Variants in SORCS2 observed in about 807,000 individuals in gnomAD.
The protein encoded by SORCS2 is sortilin related VPS10 domain containing receptor 2, also known as VPS10 domain-containing receptor SorCS2.
Under a neutral mutation model 141.6 loss-of-function variants are expected in SORCS2, and 100 were observed. The ratio of observed to expected loss-of-function variants is 0.71; its 90% CI spans 0.60 to 0.83. SORCS2 has a LOEUF of 0.83. SORCS2 is among the 40% of genes least tolerant of loss of function. The probability of loss-of-function intolerance (pLI) is 0.00; values close to 1 mark genes in which losing one functional copy is unlikely to be tolerated. For missense variants in SORCS2, 1,646 were observed against 1,560.2 expected, an observed-to-expected ratio of 1.05 and a Z score of -0.93; for synonymous variants, 789 against 676.9, an observed-to-expected ratio of 1.17 and a Z score of -2.57.
At chr4:7,262,137 C>T (rs769827025) in intron 1 of SORCS2, among the ~76,000 whole-genome samples, 64 of 151,582 alleles carry the variant, frequency 4.2e-4, no homozygotes, top group Non-Finnish European at 7.8e-4. Flanking sequence ...AATGAAAGAT[C>T]TGATCTGCCC....
intron 2 of SORCS2, among the ~76,000 whole-genome samples, chr4:7,439,793 T>A (rs1241258632): frequency 6.6e-6 from 1 of 152,218 alleles, no homozygotes; most frequent in Non-Finnish European, 1.5e-5. Flanking sequence ...TTATCCACCA[T>A]GAGCTGGCAT....
intron 8 of SORCS2, among the ~76,000 whole-genome samples, chr4:7,672,862 G>C (rs528923160): frequency 6.6e-6 from 1 of 152,172 alleles, no homozygotes; most frequent in African/African-American, 2.4e-5. Context: ...ATTGTCCTAC[G>C]TGGCTTCTTA....
chr4:7,736,929 G>C, intron 25 of SORCS2, 140 bp from the exon 26 acceptor site: 1 of 1,094,824 alleles, frequency 9.1e-7, no homozygotes. Context: ...GGCAAAACTT[G>C]GGGCTGGGGT....
chr4:7,571,198 A>G (rs80152828), intron 3 of SORCS2, among the ~76,000 whole-genome samples: 4,922 of 152,346 alleles, frequency 0.032, 119 homozygotes, highest in Non-Finnish European at 0.051. Flanking sequence ...TTTTCCGCAG[A>G]TGCTCTCTGC....
intron 1 of SORCS2, among the ~76,000 whole-genome samples, chr4:7,394,295 T>G (rs1205240799): frequency 6.6e-6 from 1 of 151,954 alleles, no homozygotes; most frequent in Non-Finnish European, 1.5e-5. Context: ...GCAGGTGCTG[T>G]GCCCCGCACT....
At chr4:7,718,290 C>T in intron 18 of SORCS2, 107 bp downstream of exon 18, 2 of 1,295,232 alleles carry the variant, frequency 1.5e-6, no homozygotes, top group Non-Finnish European at 2.1e-6. Flanking sequence ...AGAAGTGGCT[C>T]AGGGCATCGT....
intron 2 of SORCS2, among the ~76,000 whole-genome samples, chr4:7,421,922 T>TGGGGCGGGGCG (rs1560270809): frequency 1.3e-5 from 2 of 151,424 alleles, no homozygotes; most frequent in Non-Finnish European, 1.5e-5. Context: ...GGGGCGGGGC[T>TGGGGCGGGGCG]GGGCATCACG....
chr4:7,387,781 C>G (rs578121029), intron 1 of SORCS2, among the ~76,000 whole-genome samples: 6 of 147,262 alleles, frequency 4.1e-5, no homozygotes, highest in African/African-American at 1.5e-4. Flanking sequence ...TGCACACACA[C>G]ATAGGTACAT....
intron 3 of SORCS2, among the ~76,000 whole-genome samples, chr4:7,532,972 C>T (rs976180148): frequency 3.3e-5 from 5 of 152,074 alleles, no homozygotes; most frequent in African/African-American, 9.6e-5. Context: ...CATGTCTCGG[C>T]GTGTAGGGAA....
intron 2 of SORCS2, among the ~76,000 whole-genome samples, chr4:7,462,438 A>G (rs1729368004): frequency 6.6e-6 from 1 of 152,182 alleles, no homozygotes. Flanking sequence ...TATGCTTTTT[A>G]TAAGCCTATC....
intron 1 of SORCS2, among the ~76,000 whole-genome samples, chr4:7,242,798 C>G (rs1399966137): frequency 2.0e-5 from 3 of 152,214 alleles, no homozygotes; most frequent in Non-Finnish European, 4.4e-5. Flanking sequence ...CAGTCTTATA[C>G]CAGAGTTAGC....
At chr4:7,412,702 C>T (rs1343924226) in intron 2 of SORCS2, among the ~76,000 whole-genome samples, 1 of 152,080 alleles carries the variant, frequency 6.6e-6, no homozygotes, top group East Asian at 1.9e-4. Context: ...CGGGGGCCCT[C>T]CCTGCAGGTC....
At chr4:7,199,117 G>A (rs913697250) in intron 1 of SORCS2, among the ~76,000 whole-genome samples, 5 of 152,202 alleles carry the variant, frequency 3.3e-5, no homozygotes, top group African/African-American at 1.2e-4. Context: ...GGAGGATGGG[G>A]AGCCGTGCTC....
chr4:7,476,570 C>A (rs552660714), intron 2 of SORCS2, among the ~76,000 whole-genome samples: 1 of 152,178 alleles, frequency 6.6e-6, no homozygotes, highest in Non-Finnish European at 1.5e-5. Flanking sequence ...AACCTGTCAC[C>A]TTTCTCTGCC....
At chr4:7,735,257 C>G (rs1351770616) in intron 25 of SORCS2, 1 of 153,390 alleles carries the variant, frequency 6.5e-6, no homozygotes, top group African/African-American at 2.4e-5. Context: ...TGCCACAGCT[C>G]ACCCCTTCCT....
intron 3 of SORCS2, among the ~76,000 whole-genome samples, chr4:7,583,205 GT>G (rs1716276617): frequency 6.6e-6 from 1 of 152,158 alleles, no homozygotes; most frequent in South Asian, 2.1e-4. Flanking sequence ...GTGCCTTCTA[GT>G]GCCTGAAAGA....
Position 7,193,105 on chromosome 4 carries a change from C to G in SORCS2, c.459C>G (p.His153Gln). 2 of 1,553,992 alleles carry G rather than the reference C, an allele frequency of 1.3e-6. No individual in the cohort carries two copies. The highest frequency in any genetic ancestry group is 2.3e-5 in the South Asian group (2 of 87,012). ...CGACGCACAACCAGGCGATGGTGCA[C>G]TGGACGGGCGAGAACAGCAGCGTAA... ...GDATHNQAMV[H>Q]WTGENSSVIL... Residue 153 changes from histidine to glutamine, a missense_variant, in exon 1 of 27, where the codon CAC (histidine) becomes CAG (glutamine). His to Gln is a conservative substitution (Grantham distance 24). Coordinates refer to ENST00000507866, the MANE Select transcript of SORCS2 (RefSeq NM_020777.3). The surrounding 1 kb of genome is among the most constrained non-coding windows in gnomAD (Gnocchi z 4.8).
In SORCS2 at chr4:7,595,500, C is replaced by G. The variant is rs563389266; in HGVS notation, c.649-42828C>G. Among the ~76,000 whole-genome samples, 234 of 152,296 alleles carry G rather than the reference C, an allele frequency of 1.5e-3. 2 individuals carry two copies. Among genetic ancestry groups the G allele is most frequent in the African/African-American group, 4.5e-3 (186 of 41,558 alleles). On this transcript the variant is annotated intron_variant, in intron 3 of 26. Coordinates refer to ENST00000507866, the MANE Select transcript of SORCS2 (RefSeq NM_020777.3). ...CCTTGGTCCTTCTGGGTACCAATCCCCATCCCAAAGCTGTCTCCACCACTC... is the reference window on the plus strand; with the variant it reads ...CCTTGGTCCTTCTGGGTACCAATCCGCATCCCAAAGCTGTCTCCACCACTC...
rs1379782869 is a variant in SORCS2 at position 7,724,628 on chromosome 4, T to TGGC, written c.2612-524_2612-523insCGG. Among the ~76,000 whole-genome samples the TGGC allele has an allele frequency of 1.1e-4, 11 of 96,664 alleles. 1 individual carries two copies. The South Asian group carries it at 2.6e-3, about 23-fold the overall frequency. The allele number at this position is 96,664 out of a possible 152,430, so 63.4% of individuals were successfully genotyped here. Reference sequence around the variant, plus strand: ...GTGATAGTGCTGGTGAGGATGGTGATGGTGGTGATGGTGGAGGTGATGGTG... The same window carrying TGGC: ...GTGATAGTGCTGGTGAGGATGGTGATGGCGGTGGTGATGGTGGAGGTGATGGTG... On this transcript the variant is annotated intron_variant, in intron 19 of 26. Transcript: ENST00000507866.
Sources: allele counts gnomAD v4.1 joint callset (sites outside exome capture counted in the v4.1 genomes callset), GRCh38; gene constraint gnomAD v4.1.1; non-coding constraint Gnocchi (gnomAD v3.1); transcripts MANE v1.5; gene names NCBI Gene and HGNC (gene_info 2026-07-23, HGNC 2026-07-21).